The following NF1 variants were observed in gnomAD, a reference collection of about 807,000 sequenced individuals.
NF1 encodes neurofibromin 1, also known as neurofibromin.
NF1 carries 122 observed loss-of-function variants against 325.7 expected under a neutral mutation model. The observed-to-expected ratio is 0.37, with a 90% confidence interval of 0.32 to 0.44. NF1 has a LOEUF of 0.44. Ranked by LOEUF, NF1 falls within the 20% of genes least tolerant of loss-of-function variation. The probability of loss-of-function intolerance (pLI) is 1.00; values close to 1 mark genes in which losing one functional copy is unlikely to be tolerated. For missense variants in NF1, 2,140 were observed against 3,415.4 expected (o/e 0.63, Z 9.31); for synonymous variants, 1,091 against 1,186.0 (o/e 0.92, Z 1.65).
intron 1 of NF1, among the ~76,000 whole-genome samples, chr17:31,133,028 C>T (rs543921412): frequency 3.9e-5 from 6 of 152,278 alleles, no homozygotes; most frequent in South Asian, 2.1e-4. Flanking sequence ...CTTAACTGTT[C>T]CTAAGTGTAT....
intron 3 of NF1, 151 bp from the exon 4 acceptor site, chr17:31,163,035 A>G (rs1176768469): frequency 2.9e-6 from 2 of 689,514 alleles, no homozygotes; most frequent in Non-Finnish European, 4.9e-6. Context: ...TGTAGCAAAT[A>G]TGATGAAACG....
At position 31,226,689 on chromosome 17, in the gene NF1, A is replaced by G. The variant is rs786201934; in HGVS notation, c.2251+5A>G. ...TCAGCAATATGATGTCAACAGGTAA[A>G]TGTGAATAGTGGTTTTTTTTACTCA... On this transcript the variant is annotated splice_donor_5th_base_variant and intron_variant, in intron 18 of 57. Transcript: ENST00000358273. 3 of 1,613,552 alleles carry G rather than the reference A, an allele frequency of 1.9e-6. No homozygotes were observed. In the African/African-American group the frequency reaches 4.0e-5, roughly 22 times the overall value.
chr17:31,145,350 G>A (rs1916514456), intron 1 of NF1, among the ~76,000 whole-genome samples: 2 of 152,086 alleles, frequency 1.3e-5, no homozygotes, highest in Admixed American at 6.6e-5. Flanking sequence ...GTACCACCAT[G>A]CCTGGCTAAT....
intron 2 of NF1, among the ~76,000 whole-genome samples, chr17:31,157,847 T>C (rs2065693061): frequency 6.7e-6 from 1 of 148,156 alleles, no homozygotes; most frequent in African/African-American, 2.5e-5. Flanking sequence ...GTGCCTGTAG[T>C]CCCAGCTACT....
rs184476302 is a variant in NF1 at position 31,283,193 on chromosome 17, G to A, written c.4835+17854G>A. 2.9e-3 allele frequency among the ~76,000 whole-genome samples: 440 copies of A among 152,124 alleles called. 1 individual carries two copies. Among genetic ancestry groups the A allele is most frequent in the African/African-American group, 9.6e-3 (397 of 41,544 alleles). On this transcript the variant is annotated intron_variant, in intron 36 of 57. Coordinates refer to ENST00000358273, the MANE Select transcript of NF1 (RefSeq NM_001042492.3). ...AGCACTTTGGGAGGCCGAGGCGGGC[G>A]GATCACGAGGTCAGGAGATCGAGAC...
rs1048066410 is a variant in NF1, at chr17:31,336,155, C to T, written c.6007-178C>T. ...GTCAAATGAATATACTCATCCTTTA[C>T]TGGATATTTTATAATAAATTGTATT... On this transcript the variant is annotated intron_variant, in intron 40 of 57. Transcript: ENST00000358273. This position sits in a 1 kb window ranked among gnomAD's most constrained non-coding sequence, Gnocchi z 5.5. Among the ~76,000 whole-genome samples the T allele has an allele frequency of 1.7e-4, 26 of 151,810 alleles. No homozygotes were observed. The highest frequency in any genetic ancestry group is 6.3e-4 in the African/African-American group (26 of 41,302).
chr17:31,124,810 C>T (rs1451716694), intron 1 of NF1, among the ~76,000 whole-genome samples: 1 of 150,828 alleles, frequency 6.6e-6, no homozygotes, highest in Non-Finnish European at 1.5e-5. Flanking sequence ...ACTGTGTTAG[C>T]CAGGATGGTC....
chr17:31,314,859 GT>G (rs917051350), intron 36 of NF1, among the ~76,000 whole-genome samples: 3 of 152,062 alleles, frequency 2.0e-5, no homozygotes, highest in Non-Finnish European at 4.4e-5. Flanking sequence ...TCTATTTTTA[GT>G]TTTTTGAGGA....
chr17:31,346,231 T>C (rs1468619810), intron 48 of NF1: 1 of 1,610,696 alleles, frequency 6.2e-7, no homozygotes, highest in Non-Finnish European at 8.5e-7. Flanking sequence ...GGTCATTCAT[T>C]CAGTAGTGTG....
rs1597831959 is a variant in NF1, at chr17:31,327,576, T to A, written c.5346T>A (p.Ile1782=). ...VLGQSVFLND[I]YYASEIEEIC... ...GGCAATCAGTCTTTCTAAATGACAT[T>A]TATTATGCTTCGGAAATTGAAGAAA... Residue 1782 remains isoleucine, a synonymous_variant, in exon 38 of 58, where the codon ATT becomes ATA. Coordinates refer to ENST00000358273, the MANE Select transcript of NF1 (RefSeq NM_001042492.3). 1 of 1,614,208 alleles carries A rather than the reference T, an allele frequency of 6.2e-7. No homozygotes were observed. The highest frequency in any genetic ancestry group is 8.5e-7 in the Non-Finnish European group (1 of 1,180,036).
At chr17:31,221,957 A>G (rs1414994203) in intron 15 of NF1, 28 bp downstream of exon 15, 2 of 1,560,284 alleles carry the variant, frequency 1.3e-6, no homozygotes, top group Non-Finnish European at 1.7e-6. Flanking sequence ...TTTTAAATTC[A>G]ACTTTTAAAT....
In NF1 at chr17:31,223,699, A is replaced by G; in HGVS notation, c.1845+132A>G. The G allele has an allele frequency of 3.6e-6, 3 of 843,948 alleles. No individual in the cohort carries two copies. In the South Asian group the frequency reaches 4.6e-5, roughly 13 times the overall value. The allele number at this position is 843,948 out of a possible 1,614,324, so 52.3% of individuals were successfully genotyped here. On this transcript the variant is annotated intron_variant, in intron 16 of 57. Transcript: ENST00000358273. ...TTCCTCCCAATGTTCTCAAAAGGAA[A>G]TATGTATGCAGAGGACAATGACTGG...
intron 36 of NF1, among the ~76,000 whole-genome samples, chr17:31,288,266 G>A (rs1446020131): frequency 2.0e-5 from 3 of 152,042 alleles, no homozygotes; most frequent in African/African-American, 7.2e-5. Flanking sequence ...AGTTGGGGCT[G>A]TTGAACCAAA....
chr17:31,277,166 A>G (rs957132451), intron 36 of NF1, among the ~76,000 whole-genome samples: 1 of 152,156 alleles, frequency 6.6e-6, no homozygotes, highest in Non-Finnish European at 1.5e-5. Context: ...TGGAGGAGAA[A>G]GAAGAGGGAT....
At chr17:31,110,573 A>AT (rs1220182497) in intron 1 of NF1, among the ~76,000 whole-genome samples, 12 of 152,324 alleles carry the variant, frequency 7.9e-5, no homozygotes, top group Non-Finnish European at 1.5e-4. Context: ...TCATACTATT[A>AT]ACTATTCTAG....
intron 57 of NF1, among the ~76,000 whole-genome samples, chr17:31,365,959 G>A (rs1013755953): frequency 6.8e-6 from 1 of 146,862 alleles, no homozygotes; most frequent in Non-Finnish European, 1.5e-5. Flanking sequence ...TTTTGAGATG[G>A]AGTCTTGCTC....
Position 31,157,826 on chromosome 17 carries a change from T to C in NF1, c.205-1184T>C, listed in dbSNP as rs1054373806. 7.1e-5 allele frequency among the ~76,000 whole-genome samples: 9 copies of C among 126,606 alleles called. No homozygotes were observed. In the South Asian group the frequency reaches 2.0e-3, roughly 29 times the overall value. The allele number at this position is 126,606 out of a possible 152,430, so 83.1% of individuals were successfully genotyped here. On this transcript the variant is annotated intron_variant, in intron 2 of 57. Coordinates refer to ENST00000358273, the MANE Select transcript of NF1 (RefSeq NM_001042492.3). ...AAAAAAAAAAAAAAACTTAGCGGGG[T>C]GTGGCGGCATGTGCCTGTAGTCCCA...
intron 1 of NF1, among the ~76,000 whole-genome samples, chr17:31,097,386 A>G (rs1380061230): frequency 2.2e-5 from 3 of 137,276 alleles, no homozygotes; most frequent in African/African-American, 8.2e-5. Context: ...TGAATCCGGG[A>G]GGTGGAGGTT....
At chr17:31,260,738 T>A (rs555287410) in intron 34 of NF1, among the ~76,000 whole-genome samples, 10 of 152,200 alleles carry the variant, frequency 6.6e-5, no homozygotes, top group African/African-American at 2.4e-4. Context: ...TATTATTATT[T>A]TTTTGTCAGG....
Sources: gnomAD v4.1 joint callset for allele counts (sites outside exome capture counted in the v4.1 genomes callset) on GRCh38, gnomAD v4.1.1 for gene constraint, Gnocchi (gnomAD v3.1) non-coding constraint, MANE v1.5 for transcripts, NCBI Gene and HGNC (gene_info 2026-07-23, HGNC 2026-07-21) for gene names.